CHCHD2: variants seen among roughly 807,000 people sequenced by gnomAD.
The protein encoded by CHCHD2 is coiled-coil-helix-coiled-coil-helix domain-containing protein 2.
In CHCHD2, 17 loss-of-function variants were observed where a neutral mutation model predicts 17.5. The ratio of observed to expected loss-of-function variants is 0.97; its 90% confidence interval spans 0.67 to 1.46. The LOEUF is 1.46. Ranked by LOEUF, CHCHD2 falls within the 40% of genes most tolerant of loss-of-function variation. The probability of loss-of-function intolerance (pLI) is 0.00; values close to 1 mark genes in which losing one functional copy is unlikely to be tolerated. For missense variants in CHCHD2, 175 were observed against 199.9 expected, an observed-to-expected ratio of 0.88 and a Z score of 0.75; for synonymous variants, 63 against 74.3, an observed-to-expected ratio of 0.85 and a Z score of 0.78.
At chr7:56,104,584 A>T in intron 1 of CHCHD2, 109 bp from the exon 2 acceptor site, 1 of 1,209,672 alleles carries the variant, frequency 8.3e-7, no homozygotes, top group Non-Finnish European at 1.1e-6. Flanking sequence ...TTTCATTTCA[A>T]ATTATTTACA....
intron 1 of CHCHD2, among the ~76,000 whole-genome samples, chr7:56,105,473 C>G (rs1785366214): frequency 6.6e-6 from 1 of 152,144 alleles, no homozygotes; most frequent in Admixed American, 6.6e-5. Context: ...ATTTTATTGA[C>G]GGATCAAATA....
At chr7:56,106,292 C>T in intron 1 of CHCHD2, 72 bp downstream of exon 1, 1 of 1,465,998 alleles carries the variant, frequency 6.8e-7, no homozygotes, top group Non-Finnish European at 9.3e-7. Context: ...CGCCCGCGGC[C>T]TCCCTCTGCG....
chr7:56,103,189 A>T (rs1785319890), intron 2 of CHCHD2, among the ~76,000 whole-genome samples, 178 bp from the exon 3 acceptor site: 1 of 152,214 alleles, frequency 6.6e-6, no homozygotes, highest in African/African-American at 2.4e-5. Flanking sequence ...TTACTTAAAA[A>T]ATATTTTAGG....
At position 56,106,419 on chromosome 7, in the gene CHCHD2, G is replaced by T; in HGVS notation, c.-6C>A. The stretch of plus-strand genomic sequence containing the variant: ...CTTCGGCTTCCACGCGGCATCCTAG[G>T]TAAGCGACGGCTAGGCCTCCGGACG... On this transcript the variant is annotated 5_prime_UTR_variant, in exon 1 of 4. Transcript: ENST00000395422. 5 of 1,613,382 alleles carry T rather than the reference G, an allele frequency of 3.1e-6. No individual in the cohort carries two copies. In the South Asian group the frequency reaches 5.5e-5, roughly 18 times the overall value.
At position 56,103,028 on chromosome 7, in the gene CHCHD2, T is replaced by C; in HGVS notation, c.301-17A>G. 6.2e-7 allele frequency: 1 copy of C among 1,614,056 alleles called. No homozygotes were observed. On this transcript the variant is annotated splice_polypyrimidine_tract_variant and intron_variant, in intron 2 of 3. Transcript: ENST00000395422. ...CTGAGGCTCCTGCAAAGGCAAAACA[T>C]TCAACATTGCTGAGAAAGAAAATCA...
chr7:56,104,516 A>G, intron 1 of CHCHD2, 41 bp from the exon 2 acceptor site: 2 of 1,490,666 alleles, frequency 1.3e-6, no homozygotes, highest in South Asian at 1.3e-5. Flanking sequence ...CCCAATTCCA[A>G]CCAGTTTTGG....
intron 3 of CHCHD2, among the ~76,000 whole-genome samples, chr7:56,102,311 T>A (rs535530305): frequency 1.3e-5 from 2 of 152,058 alleles, no homozygotes; most frequent in East Asian, 3.9e-4. Context: ...TTACATCCAG[T>A]AATCACAGTA....
intron 3 of CHCHD2, 33 bp from the exon 4 acceptor site, chr7:56,101,894 C>T: frequency 1.9e-6 from 3 of 1,609,616 alleles, no homozygotes; most frequent in Non-Finnish European, 2.6e-6. Flanking sequence ...TAGAAGAATG[C>T]TAGCTTCGTA....
In CHCHD2 at chr7:56,106,233, C is replaced by T. The variant is rs1377850266; in HGVS notation, c.50+131G>A. On this transcript the variant is annotated intron_variant, in intron 1 of 3. Coordinates refer to ENST00000395422, the MANE Select transcript of CHCHD2 (RefSeq NM_016139.4). The stretch of plus-strand genomic sequence containing the variant: ...ACATAGGCTTTACGTTCAATCTACC[C>T]CCGCCTGGCAGAGGCGAGCCCACGC... 5.3e-6 allele frequency: 4 copies of T among 754,926 alleles called. No individual in the cohort carries two copies. The South Asian group carries it at 7.3e-5, about 14-fold the overall frequency. 46.8% of individuals were successfully genotyped at this position (754,926 alleles called of 1,614,324 possible). A position where few individuals can be genotyped will look rare whatever the true frequency, so the allele number is the denominator to read the frequency against.
At chr7:56,103,698 C>G (rs1230389722) in intron 2 of CHCHD2, among the ~76,000 whole-genome samples, 1 of 152,168 alleles carries the variant, frequency 6.6e-6, no homozygotes, top group Non-Finnish European at 1.5e-5. Context: ...GAATTATTAT[C>G]TTGTTATCAA....
chr7:56,103,222 G>A (rs1472802245), intron 2 of CHCHD2, among the ~76,000 whole-genome samples: 1 of 152,222 alleles, frequency 6.6e-6, no homozygotes, highest in Non-Finnish European at 1.5e-5. Context: ...GCTCACGCCT[G>A]TAATTCCAAC....
rs759627902 is a variant in CHCHD2, at chr7:56,104,284, G to A, written c.242C>T (p.Thr81Ile). Residue 81 changes from threonine to isoleucine, a missense_variant, in exon 2 of 4, where the codon ACT becomes ATT. By Grantham distance (89) the Thr-to-Ile change is moderately conservative. Transcript: ENST00000395422. ...ATTACTTCCTCCACTGAAGCCCCCAGTAATGGCGTGACCCAATGTGTGCCC... is the reference window on the plus strand; with the variant it reads ...ATTACTTCCTCCACTGAAGCCCCCAATAATGGCGTGACCCAATGTGTGCCC... ...AVGHTLGHAI[T>I]GGFSGGSNAE... 2 of 1,613,862 alleles carry A rather than the reference G, an allele frequency of 1.2e-6. No homozygotes were observed. The highest frequency in any genetic ancestry group is 1.7e-6 in the Non-Finnish European group (2 of 1,179,762).
chr7:56,102,277 G>A (rs1425623356), intron 3 of CHCHD2, among the ~76,000 whole-genome samples: 4 of 151,806 alleles, frequency 2.6e-5, no homozygotes, highest in Admixed American at 2.0e-4. Context: ...TCTTATATTC[G>A]CAGCCTTAAG....
chr7:56,101,805 T>TA lies in CHCHD2; in HGVS notation c.*45dup, dbSNP rs35957514. 3.5e-3 allele frequency: 5,544 copies of TA among 1,563,378 alleles called. 322 individuals are homozygous for TA. In the Admixed American group the frequency reaches 0.09, roughly 25 times the overall value. On this transcript the variant is annotated 3_prime_UTR_variant, in exon 4 of 4. Coordinates refer to ENST00000395422, the MANE Select transcript of CHCHD2 (RefSeq NM_016139.4). ...ATTCTATTTTTATACTAAATTAACTTAGTTATGAGAGCTGATTTTCCATCT... is the reference window on the plus strand; with the variant it reads ...ATTCTATTTTTATACTAAATTAACTTAAGTTATGAGAGCTGATTTTCCATCT...
At chr7:56,105,506 T>G (rs1373487838) in intron 1 of CHCHD2, among the ~76,000 whole-genome samples, 1 of 152,216 alleles carries the variant, frequency 6.6e-6, no homozygotes. Context: ...TGCGGAGTGG[T>G]GGCTCTTGCC....
Position 56,101,645 on chromosome 7 carries a change from G to A in CHCHD2, c.*206C>T, listed in dbSNP as rs1442217900. On this transcript the variant is annotated 3_prime_UTR_variant, in exon 4 of 4. Transcript: ENST00000395422. ...ATAACATAACAGCTAGTTTAAGGAGGCCACACAAACATTTGCCCAGTCCCA... is the reference window on the plus strand; with the variant it reads ...ATAACATAACAGCTAGTTTAAGGAGACCACACAAACATTTGCCCAGTCCCA... 9 of 511,506 alleles carry A rather than the reference G, an allele frequency of 1.8e-5. No homozygotes were observed. Among genetic ancestry groups the A allele is most frequent in the Non-Finnish European group, 3.2e-5 (9 of 281,562 alleles). The allele number at this position is 511,506 out of a possible 1,614,324, so 31.7% of individuals were successfully genotyped here. A position where few individuals can be genotyped will look rare whatever the true frequency, so the allele number is the denominator to read the frequency against.
At chr7:56,104,563 G>A in intron 1 of CHCHD2, 88 bp from the exon 2 acceptor site, 2 of 1,309,568 alleles carry the variant, frequency 1.5e-6, no homozygotes, top group Non-Finnish European at 2.0e-6. Flanking sequence ...TATTAAAATG[G>A]ACCTCAAGAT....
In CHCHD2 at chr7:56,101,999, T is replaced by G. The variant is rs1001437987; in HGVS notation, c.446-138A>C. On this transcript the variant is annotated intron_variant, in intron 3 of 3. Coordinates refer to ENST00000395422, the MANE Select transcript of CHCHD2 (RefSeq NM_016139.4). ...TTTTTTGTTTTTTTTTGATAAAAAATAGAGATGAGGTCTTGCTATGTTGCC... is the reference window on the plus strand; with the variant it reads ...TTTTTTGTTTTTTTTTGATAAAAAAGAGAGATGAGGTCTTGCTATGTTGCC... 3.9e-5 allele frequency: 32 copies of G among 810,722 alleles called. No individual in the cohort carries two copies. In the African/African-American group the frequency reaches 5.1e-4, roughly 13 times the overall value. The allele number at this position is 810,722 out of a possible 1,614,324, so 50.2% of individuals were successfully genotyped here. A position where few individuals can be genotyped will look rare whatever the true frequency, so the allele number is the denominator to read the frequency against.
chr7:56,101,969 TTTTG>T (rs1785292757), intron 3 of CHCHD2, 108 bp from the exon 4 acceptor site: 1 of 1,057,368 alleles, frequency 9.5e-7, no homozygotes. Context: ...GCTATGGGTT[TTTTG>T]TTTTTTGTTT....
Sources: allele counts gnomAD v4.1 joint callset (sites outside exome capture counted in the v4.1 genomes callset), GRCh38; gene constraint gnomAD v4.1.1; transcripts MANE v1.5; gene names NCBI Gene and HGNC (gene_info 2026-07-23, HGNC 2026-07-21).